The following DPH6 variants were observed in gnomAD, a reference collection of about 807,000 sequenced individuals.
DPH6 encodes diphthine--ammonia ligase.
DPH6 carries 33 observed loss-of-function variants against 38.2 expected under a neutral mutation model. The ratio of observed to expected loss-of-function variants is 0.86; its 90% CI spans 0.65 to 1.15. The LOEUF is 1.15. DPH6 is among the 50% of genes most tolerant of loss of function. The pLI, the probability that DPH6 is intolerant of heterozygous loss-of-function variation, is 0.00. For synonymous variants in DPH6, 108 were observed against 103.0 expected, an observed-to-expected ratio of 1.05 and a Z score of -0.30; for missense variants, 325 against 320.0, an observed-to-expected ratio of 1.02 and a Z score of -0.12.
At chr15:35,499,752 A>C (rs1480895452) in intron 3 of DPH6, among the ~76,000 whole-genome samples, 1 of 152,202 alleles carries the variant, frequency 6.6e-6, no homozygotes, top group East Asian at 1.9e-4. Context: ...TCTATCAGAC[A>C]CTTACTTTAT....
intron 3 of DPH6, among the ~76,000 whole-genome samples, chr15:35,226,419 G>GT (rs1484232114): frequency 6.6e-6 from 1 of 151,812 alleles, no homozygotes; most frequent in East Asian, 1.9e-4. Flanking sequence ...ATAGAGGAAA[G>GT]TTTCCACATA....
At chr15:35,434,780 G>C (rs542917289) in intron 5 of DPH6, among the ~76,000 whole-genome samples, 7 of 152,012 alleles carry the variant, frequency 4.6e-5, no homozygotes, top group African/African-American at 1.7e-4. Context: ...TGTTTGTTTT[G>C]TTTTCTTTTT....
intron 5 of DPH6, among the ~76,000 whole-genome samples, chr15:35,437,416 C>G (rs545923890): frequency 6.6e-6 from 1 of 152,286 alleles, no homozygotes; most frequent in Admixed American, 6.5e-5. Context: ...GTTAATTTCC[C>G]AAACCTTAAA....
chr15:35,522,376 C>G, intron 3 of DPH6: 1 of 1,219,680 alleles, frequency 8.2e-7, no homozygotes. Flanking sequence ...ACCAGTCAGG[C>G]TGTCTCTGCT....
intron 3 of DPH6, among the ~76,000 whole-genome samples, chr15:35,225,459 T>A (rs1047036345): frequency 6.6e-6 from 1 of 152,232 alleles, no homozygotes; most frequent in Non-Finnish European, 1.5e-5. Context: ...AAGTTATGTA[T>A]ATGGTTTTTA....
the DPH6 span, among the ~76,000 whole-genome samples, chr15:35,209,609 A>G: frequency 7.9e-5 from 12 of 152,244 alleles, no homozygotes; most frequent in Non-Finnish European, 1.2e-4. Context: ...ATAATGTGAT[A>G]CATGGGCAGA....
At chr15:35,347,946 T>C (rs1301530227) in intron 3 of DPH6, among the ~76,000 whole-genome samples, 1 of 152,172 alleles carries the variant, frequency 6.6e-6, no homozygotes, top group Non-Finnish European at 1.5e-5. Context: ...ATTTCATCTT[T>C]GGAAAAATGT....
At chr15:35,306,213 C>G (rs1595469776) in intron 3 of DPH6, among the ~76,000 whole-genome samples, 1 of 152,250 alleles carries the variant, frequency 6.6e-6, no homozygotes, top group Non-Finnish European at 1.5e-5. Context: ...TTCTTGTTCT[C>G]CTGTATCTTT....
intron 5 of DPH6, among the ~76,000 whole-genome samples, chr15:35,447,863 A>T (rs2053876508): frequency 6.6e-6 from 1 of 152,106 alleles, no homozygotes; most frequent in Non-Finnish European, 1.5e-5. Context: ...CTCCCCCATC[A>T]TCTCATTCCT....
At chr15:35,531,074 C>T (rs2055080597) in intron 3 of DPH6, among the ~76,000 whole-genome samples, 1 of 152,146 alleles carries the variant, frequency 6.6e-6, no homozygotes, top group Non-Finnish European at 1.5e-5. Context: ...TCTGCGTCCT[C>T]CCTGAAAATC....
intron 3 of DPH6, among the ~76,000 whole-genome samples, chr15:35,273,739 T>G (rs1486023038): frequency 6.6e-6 from 1 of 152,106 alleles, no homozygotes. Context: ...AAACCACTGC[T>G]CAAGGAAATA....
At chr15:35,518,780 A>G (rs979482062) in intron 3 of DPH6, among the ~76,000 whole-genome samples, 4 of 152,008 alleles carry the variant, frequency 2.6e-5, no homozygotes, top group Non-Finnish European at 4.4e-5. Context: ...TTCCTCAGAT[A>G]AAAGCCATTT....
chr15:35,430,391 C>G (rs1246810187), intron 5 of DPH6, among the ~76,000 whole-genome samples: 1 of 124,884 alleles, frequency 8.0e-6, no homozygotes, highest in African/African-American at 3.4e-5. Flanking sequence ...AACCTTCATA[C>G]TGAAAAAAAA....
chr15:35,298,056 T>C (rs2052027019), intron 3 of DPH6, among the ~76,000 whole-genome samples: 1 of 152,216 alleles, frequency 6.6e-6, no homozygotes, highest in Admixed American at 6.5e-5. Flanking sequence ...TTTGTTTTTT[T>C]TGTAAACGGA....
the DPH6 span, among the ~76,000 whole-genome samples, chr15:35,178,216 T>C: frequency 6.6e-6 from 1 of 152,206 alleles, no homozygotes; most frequent in Non-Finnish European, 1.5e-5. Flanking sequence ...AAAATAACTT[T>C]TTGGGTTTCA....
the DPH6 span, among the ~76,000 whole-genome samples, chr15:35,170,850 T>C: frequency 1.8e-4 from 28 of 152,306 alleles, 2 homozygotes; most frequent in African/African-American, 5.8e-4. Context: ...GCTTATGTTA[T>C]TCTCTCTCTC....
At chr15:35,308,819 T>C (rs1406556174) in intron 3 of DPH6, among the ~76,000 whole-genome samples, 1 of 152,214 alleles carries the variant, frequency 6.6e-6, no homozygotes, top group East Asian at 1.9e-4. Flanking sequence ...ATAGCAAATA[T>C]ATGCTTATCT....
In DPH6 at chr15:35,489,363, G is replaced by T. The variant is rs188703841; in HGVS notation, c.313-34543C>A. 5,621 of 985,196 alleles carry T rather than the reference G, an allele frequency of 5.7e-3. 9 individuals carry two copies. The highest frequency in any genetic ancestry group is 6.5e-3 in the Non-Finnish European group (5,366 of 829,810). 61.0% of individuals were successfully genotyped at this position (985,196 alleles called of 1,614,324 possible). On this transcript the variant is annotated intron_variant, in intron 3 of 8. Transcript: ENST00000256538. ...GAAAGTGCTCCAATCCCTGGTCCCA[G>T]TTTCATTAAATTTTTTTCTGTCCTT...
At chr15:35,367,444 A>G (rs1013868836), downstream of DPH6, among the ~76,000 whole-genome samples, 7 of 151,874 alleles carry the variant, frequency 4.6e-5, no homozygotes, top group Non-Finnish European at 1.0e-4. Flanking sequence ...AAGGTTATAC[A>G]TTTTAATATG....
Sources: gnomAD v4.1 joint callset for allele counts (sites outside exome capture counted in the v4.1 genomes callset) on GRCh38, gnomAD v4.1.1 for gene constraint, MANE v1.5 for transcripts, NCBI Gene and HGNC (gene_info 2026-07-23, HGNC 2026-07-21) for gene names.